Variants in COL11A1 observed in about 807,000 individuals in gnomAD.
The protein encoded by COL11A1 is collagen alpha-1(XI) chain.
Under a neutral mutation model 265.2 loss-of-function variants are expected in COL11A1, and 74 were observed. That is an observed-to-expected ratio of 0.28 (90% CI 0.23 to 0.34). COL11A1 has a LOEUF of 0.34. Ranked by LOEUF, COL11A1 falls within the 10% of genes least tolerant of loss-of-function variation. The probability of loss-of-function intolerance (pLI) is 1.00; values close to 1 mark genes in which losing one functional copy is unlikely to be tolerated. For synonymous variants in COL11A1, 816 were observed against 727.6 expected, an observed-to-expected ratio of 1.12 and a Z score of -1.96; for missense variants, 2,165 against 2,263.6, an observed-to-expected ratio of 0.96 and a Z score of 0.88.
chr1:103,048,622 A>G (rs889962032), intron 4 of COL11A1, among the ~76,000 whole-genome samples: 2 of 152,018 alleles, frequency 1.3e-5, no homozygotes, highest in African/African-American at 4.8e-5. Flanking sequence ...AATCTTAGTT[A>G]TTTCTTGCTT....
At chr1:103,005,736 C>T (rs550407717) in intron 18 of COL11A1, 102 bp downstream of exon 18, 13 of 1,376,780 alleles carry the variant, frequency 9.4e-6, no homozygotes, top group East Asian at 2.3e-5. Flanking sequence ...GATTCACAAA[C>T]GTTAAAATTA....
intron 4 of COL11A1, among the ~76,000 whole-genome samples, chr1:103,049,681 T>C (rs1207436638): frequency 2.0e-5 from 3 of 152,218 alleles, no homozygotes; most frequent in African/African-American, 4.8e-5. Flanking sequence ...GTTGATGCAG[T>C]TTCTTCCTAG....
At chr1:103,013,125 T>C (rs1666264572) in intron 13 of COL11A1, among the ~76,000 whole-genome samples, 1 of 152,092 alleles carries the variant, frequency 6.6e-6, no homozygotes. Flanking sequence ...TAAATTAGTA[T>C]TGTGTGCTAC....
At position 103,022,978 on chromosome 1, in the gene COL11A1, T is replaced by G. The variant is rs746403396; in HGVS notation, c.1009A>C (p.Ile337Leu). Reference sequence around the variant, plus strand: ...CCCGTTAGATATTCTTCAGTAAATATTTCTTCAACTGGATTTGGCTATTAA... The same window carrying G: ...CCCGTTAGATATTCTTCAGTAAATAGTTCTTCAACTGGATTTGGCTATTAA... Reference protein sequence around the residue: ...GTNEPNPVEEIFTEEYLTGED... With the variant: ...GTNEPNPVEELFTEEYLTGED... The change falls in exon 8 of 67, where the codon ATA becomes CTA. Residue 337 changes from isoleucine (I) to leucine (L), a missense_variant. Ile to Leu is a conservative substitution (Grantham distance 5). Coordinates refer to ENST00000370096, the MANE Select transcript of COL11A1 (RefSeq NM_001854.4). 2 of 1,612,952 alleles carry G rather than the reference T, an allele frequency of 1.2e-6. No homozygotes were observed. Among genetic ancestry groups the G allele is most frequent in the Admixed American group, 3.3e-5 (2 of 60,026 alleles).
At chr1:102,913,312 A>G (rs1557811201) in intron 53 of COL11A1, among the ~76,000 whole-genome samples, 1 of 152,222 alleles carries the variant, frequency 6.6e-6, no homozygotes, top group African/African-American at 2.4e-5. Flanking sequence ...AATGATAGGA[A>G]ATAACTTTGC....
chr1:103,083,438 A>AAT (rs1672597709), intron 1 of COL11A1, among the ~76,000 whole-genome samples: 1 of 12,186 alleles, frequency 8.2e-5, no homozygotes, highest in African/African-American at 1.4e-4. Flanking sequence ...TTCATTTTCC[A>AAT]ACAGTTACTA....
At chr1:103,106,595 C>T (rs1052652256) in intron 1 of COL11A1, among the ~76,000 whole-genome samples, 2 of 152,176 alleles carry the variant, frequency 1.3e-5, no homozygotes, top group African/African-American at 4.8e-5. Flanking sequence ...ATGGATTTCA[C>T]TTTCAAAGAC....
chr1:102,971,363 C>T (rs1661966535), intron 36 of COL11A1, among the ~76,000 whole-genome samples: 2 of 152,040 alleles, frequency 1.3e-5, no homozygotes, highest in South Asian at 4.1e-4. Context: ...TTTAGACTGC[C>T]TTATGGATTA....
chr1:102,881,326 A>G (rs1650212548), intron 65 of COL11A1, among the ~76,000 whole-genome samples: 1 of 152,066 alleles, frequency 6.6e-6, no homozygotes, highest in Non-Finnish European at 1.5e-5. Context: ...TAAAGAAGGA[A>G]TTAGGTTTCA....
Position 102,940,309 on chromosome 1 carries a change from C to A in COL11A1, c.3384+18G>T, listed in dbSNP as rs200425985. On this transcript the variant is annotated intron_variant, in intron 43 of 66. Transcript: ENST00000370096. ...AGCTTTTTCACAGGATCTACTAACA[C>A]GAATAATGAATACCAACCTTGTCTC... 4 of 1,594,792 alleles carry A rather than the reference C, an allele frequency of 2.5e-6. No individual in the cohort carries two copies. Among genetic ancestry groups the A allele is most frequent in the Non-Finnish European group, 2.6e-6 (3 of 1,162,438 alleles).
chr1:102,961,799 G>A (rs2101569263), intron 41 of COL11A1, 67 bp downstream of exon 41: 2 of 1,378,752 alleles, frequency 1.5e-6, no homozygotes, highest in Non-Finnish European at 1.0e-6. Context: ...CACAGCATGA[G>A]AGTAATGAAA....
chr1:102,962,203 T>C lies in COL11A1; in HGVS notation c.3087A>G (p.Pro1029=). The C allele has an allele frequency of 6.2e-7, 1 of 1,613,642 alleles. No homozygotes were observed. Among genetic ancestry groups the C allele is most frequent in the Non-Finnish European group, 8.5e-7 (1 of 1,179,624 alleles). Residue 1029 remains proline, a synonymous_variant, in exon 40 of 67, where the codon CCA becomes CCG. Transcript: ENST00000370096. ...GAGCTCCAGGAAGACCTCTTTCCCC[T>C]GGGAAACCACGTAATCCTGCTGGTC... The part of the protein sequence containing the change: ...KDGPAGLRGF[P]GERGLPGAQG...
chr1:102,955,323 A>G (rs999556854), intron 41 of COL11A1, among the ~76,000 whole-genome samples: 3 of 152,202 alleles, frequency 2.0e-5, no homozygotes, highest in African/African-American at 4.8e-5. Context: ...GCAAGAGAAG[A>G]AGAAGAAATA....
chr1:103,105,592 T>A (rs2102439255), intron 1 of COL11A1, among the ~76,000 whole-genome samples: 1 of 152,268 alleles, frequency 6.6e-6, no homozygotes, highest in African/African-American at 2.4e-5. Flanking sequence ...TTTTAAATTA[T>A]CTTTGTGCTT....
At chr1:102,965,431 G>A in intron 38 of COL11A1, 56 bp downstream of exon 38, 1 of 1,471,866 alleles carries the variant, frequency 6.8e-7, no homozygotes, top group Non-Finnish European at 9.5e-7. Context: ...ACTTAGGAAG[G>A]TTAAAATGTA....
At chr1:102,882,295 T>C (rs559848862) in intron 64 of COL11A1, among the ~76,000 whole-genome samples, 1 of 152,314 alleles carries the variant, frequency 6.6e-6, no homozygotes, top group Non-Finnish European at 1.5e-5. Context: ...TTCTGCTTTG[T>C]GAAGAACAGC....
chr1:102,880,008 C>T, intron 65 of COL11A1, 92 bp from the exon 66 acceptor site: 1 of 863,356 alleles, frequency 1.2e-6, no homozygotes. Context: ...AACTGTGATG[C>T]CAGAAGCATG....
intron 7 of COL11A1, among the ~76,000 whole-genome samples, chr1:103,024,776 A>G (rs1001956226): frequency 5.9e-5 from 9 of 152,140 alleles, no homozygotes; most frequent in African/African-American, 1.9e-4. Context: ...CCTAATTGAG[A>G]GACATTTTAC....
intron 4 of COL11A1, among the ~76,000 whole-genome samples, chr1:103,066,244 T>A (rs936890747): frequency 1.3e-5 from 2 of 151,908 alleles, no homozygotes; most frequent in African/African-American, 2.4e-5. Flanking sequence ...AGATATAAAA[T>A]TATATTTTTA....
Sources: gnomAD v4.1 joint callset for allele counts (sites outside exome capture counted in the v4.1 genomes callset) on GRCh38, gnomAD v4.1.1 for gene constraint, MANE v1.5 for transcripts, NCBI Gene and HGNC (gene_info 2026-07-23, HGNC 2026-07-21) for gene names.